Variants in GPC6 observed in about 807,000 individuals in gnomAD.
GPC6 encodes the protein glypican-6.
In GPC6, 14 loss-of-function variants were observed where a neutral mutation model predicts 55.2. The observed-to-expected ratio is 0.25, with a 90% CI of 0.17 to 0.40. The LOEUF (loss-of-function observed/expected upper bound fraction) is 0.40, where lower values mean the gene tolerates loss of function less well. GPC6 is among the 10% of genes least tolerant of loss of function. The probability of loss-of-function intolerance (pLI) is 1.00; values close to 1 mark genes in which losing one functional copy is unlikely to be tolerated. For missense variants in GPC6, 641 were observed against 708.5 expected (o/e 0.90, Z 1.08); for synonymous variants, 278 against 259.6 (o/e 1.07, Z -0.68).
intron 1 of GPC6, among the ~76,000 whole-genome samples, chr13:93,539,603 T>C (rs1188822951): frequency 6.6e-6 from 1 of 152,084 alleles, no homozygotes; most frequent in African/African-American, 2.4e-5. Context: ...TTTCAATAAG[T>C]CTTGCTGACA....
At chr13:93,519,350 C>G (rs954186288) in intron 1 of GPC6, among the ~76,000 whole-genome samples, 2 of 152,002 alleles carry the variant, frequency 1.3e-5, no homozygotes, top group African/African-American at 2.4e-5. Flanking sequence ...CTGTTACACA[C>G]ACATACACAC....
At chr13:93,801,347 G>C (rs553673443) in intron 2 of GPC6, among the ~76,000 whole-genome samples, 28 of 152,284 alleles carry the variant, frequency 1.8e-4, no homozygotes, top group Non-Finnish European at 3.5e-4. Context: ...ACAGCTCTTT[G>C]CTTCTCAAAA....
At chr13:93,824,986 C>G (rs1175072867) in intron 2 of GPC6, among the ~76,000 whole-genome samples, 1 of 151,958 alleles carries the variant, frequency 6.6e-6, no homozygotes, top group East Asian at 1.9e-4. Context: ...TCAATTCCTT[C>G]CATTTAAGAC....
intron 2 of GPC6, among the ~76,000 whole-genome samples, chr13:93,551,823 T>G (rs1875174789): frequency 6.6e-6 from 1 of 152,156 alleles, no homozygotes. Flanking sequence ...GAAAAATACT[T>G]ATTTTCTAAA....
At chr13:93,287,816 A>G (rs1302733651) in intron 1 of GPC6, among the ~76,000 whole-genome samples, 1 of 152,162 alleles carries the variant, frequency 6.6e-6, no homozygotes, top group African/African-American at 2.4e-5. Context: ...TTAGAAGTTT[A>G]TTGTCAATTA....
In GPC6 at chr13:94,114,015, T is replaced by TAAAAA. The variant is rs781286249; in HGVS notation, c.877+86137_877+86141dup. ...CTGAGTGACAGAACAAGACTCTGTC[T>TAAAAA]AAAAAAAAAAAAAAAAAAAAGCCCA... On this transcript the variant is annotated intron_variant, in intron 4 of 8. Transcript: ENST00000377047. 8.0e-5 allele frequency among the ~76,000 whole-genome samples: 3 copies of TAAAAA among 37,432 alleles called. 1 individual carries two copies. The highest frequency in any genetic ancestry group is 3.4e-4 in the African/African-American group (3 of 8,712). The allele number at this position is 37,432 out of a possible 152,430, so 24.6% of individuals were successfully genotyped here. A position where few individuals can be genotyped will look rare whatever the true frequency, so the allele number is the denominator to read the frequency against.
chr13:93,613,616 A>G (rs757080901), intron 2 of GPC6, among the ~76,000 whole-genome samples: 10 of 151,894 alleles, frequency 6.6e-5, no homozygotes, highest in Non-Finnish European at 7.4e-5. Flanking sequence ...GTCCTTGGTC[A>G]GTGAATCTCT....
At chr13:94,324,327 A>AC (rs1264862810) in intron 6 of GPC6, among the ~76,000 whole-genome samples, 63 of 151,848 alleles carry the variant, frequency 4.1e-4, no homozygotes, top group African/African-American at 1.4e-3. Flanking sequence ...AAAAAAAAAA[A>AC]AAACTCAAGC....
intron 2 of GPC6, among the ~76,000 whole-genome samples, chr13:93,601,107 G>A (rs186790484): frequency 2.6e-5 from 4 of 152,048 alleles, no homozygotes; most frequent in African/African-American, 7.2e-5. Context: ...ATTAAAACAT[G>A]TTGGGGAGTG....
chr13:93,279,670 C>T lies in GPC6; in HGVS notation c.160+52054C>T, dbSNP rs569091835. Among the ~76,000 whole-genome samples, 12 of 152,178 alleles carry T rather than the reference C, an allele frequency of 7.9e-5. No individual in the cohort carries two copies. The South Asian group carries it at 1.0e-3, about 13-fold the overall frequency. ...AAATATAGGTTTATACATTTCATGG[C>T]GAGGCAGGGCAGTGCATAGCTCATC... On this transcript the variant is annotated intron_variant, in intron 1 of 8. Coordinates refer to ENST00000377047, the MANE Select transcript of GPC6 (RefSeq NM_005708.5).
chr13:94,145,078 G>C (rs1299230207), intron 4 of GPC6, among the ~76,000 whole-genome samples: 1 of 152,032 alleles, frequency 6.6e-6, no homozygotes, highest in Non-Finnish European at 1.5e-5. Context: ...ACTGCCTAGA[G>C]CAATGCCTAG....
At chr13:93,490,167 T>G (rs943369097) in intron 1 of GPC6, among the ~76,000 whole-genome samples, 3 of 151,538 alleles carry the variant, frequency 2.0e-5, no homozygotes, top group Non-Finnish European at 4.4e-5. Flanking sequence ...ATTGAGAGTT[T>G]TTAGCACGAA....
chr13:94,074,012 T>C (rs1261678256), intron 4 of GPC6, among the ~76,000 whole-genome samples: 1 of 152,188 alleles, frequency 6.6e-6, no homozygotes, highest in Non-Finnish European at 1.5e-5. Flanking sequence ...GCAAAATCTT[T>C]GCATCTGGCA....
chr13:94,032,751 C>G (rs908254768), intron 4 of GPC6, among the ~76,000 whole-genome samples: 1 of 152,168 alleles, frequency 6.6e-6, no homozygotes, highest in Non-Finnish European at 1.5e-5. Context: ...CACTCATAGA[C>G]CAGACACACC....
At chr13:93,816,663 C>T (rs968296588) in intron 2 of GPC6, among the ~76,000 whole-genome samples, 1 of 150,106 alleles carries the variant, frequency 6.7e-6, no homozygotes. Context: ...TAGCCATCTA[C>T]TTAAATTTTC....
In GPC6 at chr13:93,804,633, C is replaced by A. The variant is rs75342584; in HGVS notation, c.320-25521C>A. Among the ~76,000 whole-genome samples, 705 of 152,160 alleles carry A rather than the reference C, an allele frequency of 4.6e-3. 8 individuals carry two copies. The highest frequency in any genetic ancestry group is 0.016 in the African/African-American group (677 of 41,510). On this transcript the variant is annotated intron_variant, in intron 2 of 8. Transcript: ENST00000377047. The stretch of plus-strand genomic sequence containing the variant: ...CTCCAAGGTAGTTACCTCCTGAGTC[C>A]CTACCCATCAATAACAGAGCCTGCC...
chr13:94,220,186 CCAAA>C lies in GPC6; in HGVS notation c.878-66156_878-66153del, dbSNP rs150914059. Among the ~76,000 whole-genome samples the C allele has an allele frequency of 4.3e-3, 648 of 152,204 alleles. 33 individuals carry two copies. The East Asian group carries it at 0.11, about 26-fold the overall frequency. On this transcript the variant is annotated intron_variant, in intron 4 of 8. Transcript: ENST00000377047. ...GGAGATGACAGATGGAAAACTATCA[CCAAA>C]CAAACAGGCCCAGCACAACCCCTCT...
chr13:93,448,732 T>C (rs1244040279), intron 1 of GPC6, among the ~76,000 whole-genome samples: 1 of 152,214 alleles, frequency 6.6e-6, no homozygotes, highest in Non-Finnish European at 1.5e-5. Context: ...TTATTATATA[T>C]GAAACAGTGT....
intron 2 of GPC6, among the ~76,000 whole-genome samples, chr13:93,765,308 T>TTCCAGATAAGCTGTCTGGAAAGACC: frequency 6.7e-6 from 1 of 148,684 alleles, no homozygotes; most frequent in East Asian, 2.0e-4. Flanking sequence ...AAAGACAACT[T>TTCCAGATAAGCTGTCTGGAAAGACC]ATTTGGTTTA....
Sources: allele counts gnomAD v4.1 joint callset (sites outside exome capture counted in the v4.1 genomes callset), GRCh38; gene constraint gnomAD v4.1.1; transcripts MANE v1.5; gene names NCBI Gene and HGNC (gene_info 2026-07-23, HGNC 2026-07-21).